Variants in IGSF5 observed in about 807,000 individuals in gnomAD.
IGSF5 encodes immunoglobulin superfamily 5 like.
IGSF5 carries 41 observed loss-of-function variants against 39.4 expected under a neutral mutation model. The observed-to-expected ratio is 1.04, with a 90% CI of 0.81 to 1.35. The LOEUF (loss-of-function observed/expected upper bound fraction) is 1.35. IGSF5 is among the 40% of genes most tolerant of loss of function. The pLI is 0.00. For missense variants in IGSF5, 487 were observed against 494.6 expected, an observed-to-expected ratio of 0.98 and a Z score of 0.15; for synonymous variants, 183 against 175.3, an observed-to-expected ratio of 1.04 and a Z score of -0.34.
chr21:39,747,801 C>T (rs899112062), intron 2 of IGSF5, among the ~76,000 whole-genome samples: 14 of 152,110 alleles, frequency 9.2e-5, no homozygotes, highest in African/African-American at 3.1e-4. Flanking sequence ...TCTTCTGATT[C>T]AGTTGAGCTA....
chr21:39,767,456 A>T (rs2080092470), intron 3 of IGSF5, among the ~76,000 whole-genome samples: 1 of 152,168 alleles, frequency 6.6e-6, no homozygotes, highest in African/African-American at 2.4e-5. Context: ...GCTTTATGAC[A>T]ATGTGTGACC....
At chr21:39,773,754 A>G (rs2080126393) in intron 4 of IGSF5, among the ~76,000 whole-genome samples, 1 of 152,180 alleles carries the variant, frequency 6.6e-6, no homozygotes, top group Non-Finnish European at 1.5e-5. Context: ...TAGTCTACTT[A>G]AATATGATAA....
chr21:39,756,181 A>G (rs1156452982), intron 2 of IGSF5, among the ~76,000 whole-genome samples: 1 of 152,356 alleles, frequency 6.6e-6, no homozygotes, highest in Non-Finnish European at 1.5e-5. Flanking sequence ...TTTGCTTTCT[A>G]AAGACCTCAG....
chr21:39,786,419 C>T (rs1380806858), intron 5 of IGSF5, among the ~76,000 whole-genome samples: 1 of 145,224 alleles, frequency 6.9e-6, no homozygotes, highest in Non-Finnish European at 1.5e-5. Context: ...TACCATCTCA[C>T]ACCAGTTAGA....
Position 39,765,628 on chromosome 21 carries a change from G to C in IGSF5, c.194G>C (p.Gly65Ala). Reference protein sequence around the residue: ...QARFNCTVSQGWKLIMWALSD... With the variant: ...QARFNCTVSQAWKLIMWALSD... ...CGCTTCAACTGCACCGTCTCCCAGGGCTGGAAGCTCATCATGTGGGCTCTC... is the reference window on the plus strand; with the variant it reads ...CGCTTCAACTGCACCGTCTCCCAGGCCTGGAAGCTCATCATGTGGGCTCTC... The change falls in exon 3 of 9, where the codon GGC becomes GCC. Residue 65 changes from glycine (G) to alanine (A), a missense_variant. Coordinates refer to ENST00000380588, the MANE Select transcript of IGSF5 (RefSeq NM_001080444.2). 1 of 1,614,146 alleles carries C rather than the reference G, an allele frequency of 6.2e-7. No homozygotes were observed. Among genetic ancestry groups the C allele is most frequent in the African/African-American group, 1.3e-5 (1 of 75,024 alleles).
intron 4 of IGSF5, among the ~76,000 whole-genome samples, chr21:39,778,374 G>T (rs1339951287): frequency 6.6e-6 from 1 of 152,112 alleles, no homozygotes; most frequent in Admixed American, 6.5e-5. Context: ...AATCAAAATG[G>T]CTTTTTCCTC....
chr21:39,733,654 T>A, the IGSF5 span, among the ~76,000 whole-genome samples: 9 of 152,216 alleles, frequency 5.9e-5, no homozygotes, highest in African/African-American at 1.9e-4. Context: ...AGAAATGCAC[T>A]CTGCCACAGT....
At chr21:39,730,796 GTT>G in the IGSF5 span, 2 of 152,130 alleles carry the variant, frequency 1.3e-5, no homozygotes, top group African/African-American at 4.8e-5. Flanking sequence ...TTCAAAACAT[GTT>G]TCATTTGTCT....
At chr21:39,770,870 G>A in intron 3 of IGSF5, 46 bp from the exon 4 acceptor site, 1 of 1,240,458 alleles carries the variant, frequency 8.1e-7, no homozygotes, top group Non-Finnish European at 1.1e-6. Context: ...TTAGAAGCGA[G>A]AGGCATGGTC....
chr21:39,763,517 G>A (rs185844377), intron 2 of IGSF5, among the ~76,000 whole-genome samples: 153 of 152,334 alleles, frequency 1.0e-3, no homozygotes, highest in Non-Finnish European at 1.5e-3. Context: ...GTAGTGACAC[G>A]TGTGGCCTCC....
chr21:39,767,674 GAC>G (rs1447573405), intron 3 of IGSF5, among the ~76,000 whole-genome samples: 4 of 152,198 alleles, frequency 2.6e-5, no homozygotes, highest in Non-Finnish European at 5.9e-5. Context: ...AATAGAATAA[GAC>G]ACAGTTTCTT....
chr21:39,778,862 C>T (rs1233993033), intron 4 of IGSF5, among the ~76,000 whole-genome samples: 4 of 152,170 alleles, frequency 2.6e-5, no homozygotes. Flanking sequence ...AACACCTGAA[C>T]TGGGTTACTA....
Position 39,745,397 on chromosome 21 carries a change from G to T in IGSF5, c.-113G>T, listed in dbSNP as rs2079968798. On this transcript the variant is annotated 5_prime_UTR_variant, in exon 1 of 9. It removes an upstream start codon present in the reference 5' UTR. Coordinates refer to ENST00000380588, the MANE Select transcript of IGSF5 (RefSeq NM_001080444.2). Reference sequence around the variant, plus strand: ...GGAGATACAACCTGCTAGAGGAAATGAAAGTCTGAACCATTAGTACCTAGG... The same window carrying T: ...GGAGATACAACCTGCTAGAGGAAATTAAAGTCTGAACCATTAGTACCTAGG... The T allele has an allele frequency of 1.5e-6, 1 of 647,674 alleles. No homozygotes were observed. The highest frequency in any genetic ancestry group is 2.8e-6 in the Non-Finnish European group (1 of 358,052). The allele number at this position is 647,674 out of a possible 1,614,324, so 40.1% of individuals were successfully genotyped here.
the IGSF5 span, among the ~76,000 whole-genome samples, chr21:39,716,783 A>G: frequency 1.3e-5 from 2 of 152,226 alleles, no homozygotes; most frequent in Admixed American, 1.3e-4. Flanking sequence ...TGTCTTTGCT[A>G]TGGTGAACAG....
the IGSF5 span, among the ~76,000 whole-genome samples, chr21:39,735,243 G>T: frequency 6.6e-6 from 1 of 152,166 alleles, no homozygotes; most frequent in Non-Finnish European, 1.5e-5. Flanking sequence ...GGTCTTATGA[G>T]TAATCTGTCT....
intron 2 of IGSF5, among the ~76,000 whole-genome samples, chr21:39,764,415 A>G (rs977492007): frequency 6.6e-6 from 1 of 152,046 alleles, no homozygotes; most frequent in Non-Finnish European, 1.5e-5. Context: ...ATCTCGGCTC[A>G]CTGCAACCTC....
the IGSF5 span, among the ~76,000 whole-genome samples, chr21:39,718,399 G>A: frequency 6.6e-6 from 1 of 152,196 alleles, no homozygotes; most frequent in African/African-American, 2.4e-5. Context: ...AATGGAAGTG[G>A]TGAGAGAGGG....
chr21:39,719,773 C>T, the IGSF5 span, among the ~76,000 whole-genome samples: 27 of 152,350 alleles, frequency 1.8e-4, no homozygotes, highest in African/African-American at 6.0e-4. Flanking sequence ...ATCTATTTGG[C>T]TTGGTGTTCA....
intron 2 of IGSF5, among the ~76,000 whole-genome samples, chr21:39,757,112 CG>C (rs1205893706): frequency 1.3e-5 from 2 of 151,922 alleles, no homozygotes; most frequent in Non-Finnish European, 1.5e-5. Context: ...TCCAATGCGG[CG>C]GCTGTTGTCT....
Sources: gnomAD v4.1 joint callset for allele counts (sites outside exome capture counted in the v4.1 genomes callset) on GRCh38, gnomAD v4.1.1 for gene constraint, MANE v1.5 for transcripts, NCBI Gene and HGNC (gene_info 2026-07-23, HGNC 2026-07-21) for gene names.